PCDHAC2: variants seen among roughly 807,000 people sequenced by gnomAD.
The protein encoded by PCDHAC2 is protocadherin alpha-C2.
In PCDHAC2, 24 loss-of-function variants were observed where a neutral mutation model predicts 63.3. The ratio of observed to expected loss-of-function variants is 0.38; its 90% confidence interval spans 0.27 to 0.53. The LOEUF is 0.53. Among genes scored for constraint, PCDHAC2 ranks in the 20% least tolerant of loss-of-function variants. PCDHAC2 has a pLI of 0.81. For missense variants in PCDHAC2, 1,181 were observed against 1,275.2 expected (o/e 0.93, Z 1.12); for synonymous variants, 569 against 529.4 (o/e 1.07, Z -1.03).
In PCDHAC2 at chr5:140,967,289, C is replaced by A. The variant is rs782440125; in HGVS notation, c.523C>A (p.Pro175Thr). ...CTTTCACATAGAGAGTGCGCAGGAC[C>A]CCGACGTGGGCGCCAACTCAGTACA... ...ARFHIESAQD[P>T]DVGANSVQTY... Residue 175 changes from proline (P) to threonine (T), a missense_variant, in exon 1 of 4, where the codon CCC becomes ACC. Physicochemically the swap from Pro to Thr is conservative, Grantham distance 38. This residue lies in a region of PCDHAC2 where 968 missense variants were observed against 1,073.5 expected (regional missense o/e 0.90). Transcript: ENST00000289269. 3 of 1,612,910 alleles carry A rather than the reference C, an allele frequency of 1.9e-6. No homozygotes were observed. The East Asian group carries it at 6.7e-5, about 36-fold the overall frequency.
At position 141,010,329 on chromosome 5, in the gene PCDHAC2, GTTTGTGGCCACTGGGTA is replaced by G. The variant is rs1554262887; in HGVS notation, c.*394_*410del. The G allele has an allele frequency of 1.9e-6, 3 of 1,538,554 alleles. No individual in the cohort carries two copies. The East Asian group carries it at 7.3e-5, about 38-fold the overall frequency. ...AGTTTTGAGATTGAGCAGCTTGGGA[GTTTGTGGCCACTGGGTA>G]TGTGTGGCTACCGCGGGTATGCGAG... On this transcript the variant is annotated 3_prime_UTR_variant, in exon 4 of 4. Coordinates refer to ENST00000289269, the MANE Select transcript of PCDHAC2 (RefSeq NM_018899.6).
In PCDHAC2 at chr5:140,967,609, C is replaced by T. The variant is rs1026350659; in HGVS notation, c.843C>T (p.Ala281=). The T allele has an allele frequency of 1.6e-5, 26 of 1,614,056 alleles. No homozygotes were observed. The highest frequency in any genetic ancestry group is 1.6e-4 in the Middle Eastern group (1 of 6,084). The change falls in exon 1 of 4, where the codon GCC becomes GCT. Residue 281 remains alanine (A), a synonymous_variant. Coordinates refer to ENST00000289269, the MANE Select transcript of PCDHAC2 (RefSeq NM_018899.6). ...PPGTLVVKLN[A]SDPDEGSNGE... ...GCACATTGGTGGTGAAGCTGAATGC[C>T]TCAGACCCGGATGAGGGCTCCAATG...
intron 3 of PCDHAC2, among the ~76,000 whole-genome samples, chr5:140,993,344 A>G (rs1379621962): frequency 1.3e-5 from 2 of 152,022 alleles, no homozygotes; most frequent in Admixed American, 6.6e-5. Context: ...GAAGGGCACT[A>G]CGAAGATCCT....
At chr5:140,990,981 A>G (rs1554251870) in intron 3 of PCDHAC2, among the ~76,000 whole-genome samples, 1 of 152,206 alleles carries the variant, frequency 6.6e-6, no homozygotes, top group Non-Finnish European at 1.5e-5. Context: ...AGAAAGGAAG[A>G]CAATAGCTAC....
At chr5:140,995,559 A>G (rs2097689300) in intron 3 of PCDHAC2, among the ~76,000 whole-genome samples, 1 of 152,242 alleles carries the variant, frequency 6.6e-6, no homozygotes, top group South Asian at 2.1e-4. Context: ...TGTACTGAAT[A>G]ATATGTCAAG....
Position 140,966,712 on chromosome 5 carries a change from T to C in PCDHAC2, c.-55T>C, listed in dbSNP as rs2153748592. On this transcript the variant is annotated 5_prime_UTR_variant, in exon 1 of 4. Transcript: ENST00000289269. ...GCGGGGCCCGGGCGTGGGGCACGGC[T>C]GGGGAAGCTGCCGCCTCCGGCCCTG... The C allele has an allele frequency of 1.4e-6, 2 of 1,392,090 alleles. No homozygotes were observed. The highest frequency in any genetic ancestry group is 2.7e-4 in the Middle Eastern group (1 of 3,766). 86.2% of individuals were successfully genotyped at this position (1,392,090 alleles called of 1,614,324 possible). A position where few individuals can be genotyped will look rare whatever the true frequency, so the allele number is the denominator to read the frequency against.
Position 141,009,742 on chromosome 5 carries a change from C to A in PCDHAC2, c.2829C>A (p.Asp943Glu). 6.2e-7 allele frequency: 1 copy of A among 1,614,160 alleles called. No individual in the cohort carries two copies. Among genetic ancestry groups the A allele is most frequent in the Non-Finnish European group, 8.5e-7 (1 of 1,180,038 alleles). The part of the protein sequence containing the change: ...PKQSGPGELP[D>E]KFIIPGSPAI... ...AATCCGGTCCCGGTGAGTTGCCCGA[C>A]AAATTCATTATCCCAGGATCTCCTG... is the stretch of plus-strand genomic sequence containing the variant. The change falls in exon 4 of 4, where the codon GAC becomes GAA. Residue 943 changes from aspartate to glutamate, a missense_variant. By Grantham distance (45) the Asp-to-Glu change is conservative. Around this residue, in one of 3 missense-constraint regions of PCDHAC2, gnomAD observed 968 missense variants for 1,073.5 expected, o/e 0.90. Coordinates refer to ENST00000289269, the MANE Select transcript of PCDHAC2 (RefSeq NM_018899.6).
intron 3 of PCDHAC2, among the ~76,000 whole-genome samples, chr5:140,991,199 C>G (rs1554252002): frequency 6.6e-6 from 1 of 152,150 alleles, no homozygotes; most frequent in East Asian, 1.9e-4. Context: ...CAATGATGCT[C>G]AATAAATTTT....
Position 140,967,899 on chromosome 5 carries a change from C to G in PCDHAC2, c.1133C>G (p.Ala378Gly). The stretch of plus-strand genomic sequence containing the variant: ...CTGTATAGCCCAGTGCCTGAGAATG[C>G]TACACCCAACACCATTGTGGCCGTT... Reference protein sequence around the residue: ...TDLYSPVPENATPNTIVAVLS... With the variant: ...TDLYSPVPENGTPNTIVAVLS... The change falls in exon 1 of 4, where the codon GCT becomes GGT. Residue 378 changes from alanine (A) to glycine (G), a missense_variant. Ala to Gly is a moderately conservative substitution (Grantham distance 60). Around this residue, in one of 3 missense-constraint regions of PCDHAC2, gnomAD observed 968 missense variants for 1,073.5 expected, o/e 0.90. Transcript: ENST00000289269. 6.2e-7 allele frequency: 1 copy of G among 1,614,180 alleles called. No homozygotes were observed. The highest frequency in any genetic ancestry group is 1.3e-5 in the African/African-American group (1 of 75,052).
chr5:140,988,363 C>T (rs782342714), intron 3 of PCDHAC2, among the ~76,000 whole-genome samples: 25 of 152,132 alleles, frequency 1.6e-4, no homozygotes, highest in Admixed American at 4.6e-4. Context: ...CTTTTACTTT[C>T]TGGGGTTGTG....
chr5:140,975,380 G>A (rs1554236775), intron 1 of PCDHAC2, among the ~76,000 whole-genome samples: 2 of 152,220 alleles, frequency 1.3e-5, no homozygotes, highest in African/African-American at 4.8e-5. Flanking sequence ...GTAATCATGG[G>A]AATAAGATCC....
rs2096289420 is a variant in PCDHAC2, at chr5:140,969,021, C to T, written c.2255C>T (p.Ser752Phe). 13 of 1,614,146 alleles carry T rather than the reference C, an allele frequency of 8.1e-6. No homozygotes were observed. Among genetic ancestry groups the T allele is most frequent in the Non-Finnish European group, 1.1e-5 (13 of 1,180,030 alleles). The change falls in exon 1 of 4, where the codon TCC becomes TTC. Residue 752 changes from serine to phenylalanine, a missense_variant. Ser to Phe is a radical substitution (Grantham distance 155). Around this residue, in one of 3 missense-constraint regions of PCDHAC2, gnomAD observed 968 missense variants for 1,073.5 expected, o/e 0.90. Transcript: ENST00000289269. ...GGCTTCTGTGGAGTAAGGGAAAGGT[C>T]CCCTGCAGAACTGTACAAACAAGCC... ...CGGFCGVRER[S>F]PAELYKQANN...
At chr5:140,975,940 G>A (rs562983011) in intron 1 of PCDHAC2, among the ~76,000 whole-genome samples, 1 of 152,216 alleles carries the variant, frequency 6.6e-6, no homozygotes, top group Admixed American at 6.5e-5. Flanking sequence ...TGAAGCAATA[G>A]GACATATTAG....
intron 3 of PCDHAC2, among the ~76,000 whole-genome samples, chr5:141,002,517 G>A (rs770473989): frequency 5.3e-5 from 8 of 152,208 alleles, no homozygotes; most frequent in Non-Finnish European, 8.8e-5. Flanking sequence ...GAGTCTCCTA[G>A]CTGGAGTCAG....
At chr5:140,989,620 C>T (rs1197614071) in intron 3 of PCDHAC2, among the ~76,000 whole-genome samples, 1 of 152,168 alleles carries the variant, frequency 6.6e-6, no homozygotes, top group African/African-American at 2.4e-5. Context: ...GAAAGTCTGT[C>T]CTAGTGACAG....
intron 1 of PCDHAC2, among the ~76,000 whole-genome samples, chr5:140,976,072 T>C (rs1193049661): frequency 6.6e-6 from 1 of 152,250 alleles, no homozygotes; most frequent in South Asian, 2.1e-4. Context: ...TGTCTTACTG[T>C]GTCAGATATA....
chr5:141,009,510 C>T (rs936602953), intron 3 of PCDHAC2, 117 bp from the exon 4 acceptor site: 7 of 1,498,300 alleles, frequency 4.7e-6, no homozygotes, highest in Admixed American at 4.7e-5. Flanking sequence ...ACAAACAACT[C>T]GTGATTTTTC....
Position 140,968,743 on chromosome 5 carries a change from C to T in PCDHAC2, c.1977C>T (p.Thr659=), listed in dbSNP as rs112674082. Residue 659 remains threonine (T), a synonymous_variant, in exon 1 of 4, where the codon ACC becomes ACT. Coordinates refer to ENST00000289269, the MANE Select transcript of PCDHAC2 (RefSeq NM_018899.6). ...GDESGSTFNL[T]VVVRDNGEPS... is the part of the protein sequence containing the mutation. ...AGAGTGGTAGCACTTTCAACCTGAC[C>T]GTGGTGGTCCGAGATAATGGAGAGC... is the stretch of plus-strand genomic sequence containing the variant. The T allele has an allele frequency of 3.4e-5, 55 of 1,614,060 alleles. No individual in the cohort carries two copies. In the African/African-American group the frequency reaches 5.1e-4, roughly 15 times the overall value.
At chr5:141,001,473 G>A (rs1172395730) in intron 3 of PCDHAC2, among the ~76,000 whole-genome samples, 1 of 152,220 alleles carries the variant, frequency 6.6e-6, no homozygotes, top group African/African-American at 2.4e-5. Flanking sequence ...AAGCAGCAGC[G>A]GGGAAGTGCT....
Sources: allele counts gnomAD v4.1 joint callset (sites outside exome capture counted in the v4.1 genomes callset), GRCh38; gene constraint gnomAD v4.1.1; regional missense constraint gnomAD v4.1.1; transcripts MANE v1.5; gene names NCBI Gene and HGNC (gene_info 2026-07-23, HGNC 2026-07-21).